KHDRBS3: variants seen among roughly 807,000 people sequenced by gnomAD.
The protein encoded by KHDRBS3 is KH domain-containing, RNA-binding, signal transduction-associated protein 3.
Under a neutral mutation model 45.6 loss-of-function variants are expected in KHDRBS3, and 23 were observed. The observed-to-expected ratio is 0.50, with a 90% CI of 0.36 to 0.72. The LOEUF is 0.72. Among genes scored for constraint, KHDRBS3 ranks in the 30% least tolerant of loss-of-function variants. The pLI is 0.00. For missense variants in KHDRBS3, 352 were observed against 424.8 expected (o/e 0.83, Z 1.51); for synonymous variants, 162 against 156.5 (o/e 1.04, Z -0.26).
At chr8:135,473,327 C>G (rs1586565914) in intron 1 of KHDRBS3, among the ~76,000 whole-genome samples, 1 of 152,154 alleles carries the variant, frequency 6.6e-6, no homozygotes, top group Non-Finnish European at 1.5e-5. Flanking sequence ...TTTGTGGCTT[C>G]CCATCCACAC....
chr8:135,564,882 C>G (rs1827328541), intron 5 of KHDRBS3, among the ~76,000 whole-genome samples: 1 of 152,096 alleles, frequency 6.6e-6, no homozygotes, highest in South Asian at 2.1e-4. Flanking sequence ...CTGCTGGCTG[C>G]TCACTGCTCA....
chr8:135,554,077 A>G (rs569772097), intron 4 of KHDRBS3, among the ~76,000 whole-genome samples: 131 of 152,272 alleles, frequency 8.6e-4, no homozygotes, highest in Non-Finnish European at 1.4e-3. Flanking sequence ...CTACAATCAC[A>G]TAGCTGTTAA....
At chr8:135,479,626 G>A (rs1317126981) in intron 1 of KHDRBS3, among the ~76,000 whole-genome samples, 1 of 152,098 alleles carries the variant, frequency 6.6e-6, no homozygotes, top group African/African-American at 2.4e-5. Context: ...AGAGTGAAAG[G>A]GCAAACAGGC....
chr8:135,492,069 A>G (rs1012927832), intron 1 of KHDRBS3, among the ~76,000 whole-genome samples: 1 of 152,142 alleles, frequency 6.6e-6, no homozygotes, highest in Admixed American at 6.5e-5. Context: ...AGAGAAGTCC[A>G]TATGTATTAC....
At chr8:135,573,408 C>T (rs1827799913) in intron 5 of KHDRBS3, among the ~76,000 whole-genome samples, 1 of 152,224 alleles carries the variant, frequency 6.6e-6, no homozygotes, top group African/African-American at 2.4e-5. Context: ...TTATCTTTCA[C>T]TAAACAGCCA....
intron 6 of KHDRBS3, among the ~76,000 whole-genome samples, chr8:135,606,169 C>T (rs1829453404): frequency 6.6e-6 from 1 of 151,996 alleles, no homozygotes; most frequent in Non-Finnish European, 1.5e-5. Context: ...GGGACTCATG[C>T]TTAACCTCAA....
intron 7 of KHDRBS3, among the ~76,000 whole-genome samples, chr8:135,613,787 A>C (rs547416299): frequency 2.0e-5 from 3 of 151,746 alleles, no homozygotes; most frequent in African/African-American, 7.3e-5. Flanking sequence ...ACCTGAAAAC[A>C]AACTTGAGTA....
At chr8:135,458,032 C>T in intron 1 of KHDRBS3, 78 bp downstream of exon 1, 3 of 1,474,810 alleles carry the variant, frequency 2.0e-6, no homozygotes, top group Admixed American at 2.7e-5. Context: ...GGGGCCCCTC[C>T]GTGCCCTCTG....
chr8:135,522,181 T>C lies in KHDRBS3; in HGVS notation c.207+826T>C, dbSNP rs546254973. ...GTTCTCATTGTTCAGCTCCCACTTATCAGTGAGAACATGCAGTGTTTGCTT... is the reference window on the plus strand; with the variant it reads ...GTTCTCATTGTTCAGCTCCCACTTACCAGTGAGAACATGCAGTGTTTGCTT... On this transcript the variant is annotated intron_variant, in intron 2 of 8. Coordinates refer to ENST00000355849, the MANE Select transcript of KHDRBS3 (RefSeq NM_006558.3). Among the ~76,000 whole-genome samples, 11 of 152,314 alleles carry C rather than the reference T, an allele frequency of 7.2e-5. 1 individual carries two copies. The South Asian group carries it at 1.0e-3, about 14-fold the overall frequency.
At chr8:135,617,030 C>G (rs1418496726) in intron 7 of KHDRBS3, among the ~76,000 whole-genome samples, 4 of 151,966 alleles carry the variant, frequency 2.6e-5, no homozygotes, top group African/African-American at 7.2e-5. Flanking sequence ...AATGTCAGCT[C>G]TACTACTTTC....
At chr8:135,616,904 C>T (rs963440489) in intron 7 of KHDRBS3, among the ~76,000 whole-genome samples, 2 of 151,976 alleles carry the variant, frequency 1.3e-5, no homozygotes, top group East Asian at 1.9e-4. Flanking sequence ...CATATATAGT[C>T]TCTTTTTGAT....
intron 5 of KHDRBS3, among the ~76,000 whole-genome samples, chr8:135,578,643 T>C (rs1476465087): frequency 6.6e-6 from 1 of 152,202 alleles, no homozygotes; most frequent in Non-Finnish European, 1.5e-5. Flanking sequence ...CTTGAAATTA[T>C]ATATTATGAG....
chr8:135,578,107 A>G (rs968208848), intron 5 of KHDRBS3, among the ~76,000 whole-genome samples: 5 of 152,106 alleles, frequency 3.3e-5, no homozygotes, highest in African/African-American at 1.2e-4. Context: ...TTGAGTTATA[A>G]AAGTTTTTTC....
At chr8:135,473,310 G>A (rs893772636) in intron 1 of KHDRBS3, among the ~76,000 whole-genome samples, 2 of 152,044 alleles carry the variant, frequency 1.3e-5, no homozygotes, top group African/African-American at 2.4e-5. Context: ...CCATTTAGAC[G>A]ACGCGCTTTG....
At chr8:135,634,664 T>G (rs1035314114) in intron 7 of KHDRBS3, among the ~76,000 whole-genome samples, 3 of 152,214 alleles carry the variant, frequency 2.0e-5, no homozygotes, top group African/African-American at 7.2e-5. Flanking sequence ...GAGGGTAATC[T>G]CTATATTTGC....
rs59502823 is a variant in KHDRBS3, at chr8:135,515,365, TAAAAAAAAAAAAAAAAAAAAA to T, written c.89-5855_89-5835del. 1.6e-3 allele frequency among the ~76,000 whole-genome samples: 65 copies of T among 39,742 alleles called. 1 individual carries two copies. The highest frequency in any genetic ancestry group is 0.032 in the Middle Eastern group (2 of 62). The allele number at this position is 39,742 out of a possible 152,430, so 26.1% of individuals were successfully genotyped here. Reference sequence around the variant, plus strand: ...TGGGCGACAGAGCGAGACTCCGTCTTAAAAAAAAAAAAAAAAAAAAAAAAAAAAAAAAAAAAAGATTCCCTG... The same window carrying T: ...TGGGCGACAGAGCGAGACTCCGTCTTAAAAAAAAAAAAAAAAGATTCCCTG... On this transcript the variant is annotated intron_variant, in intron 1 of 8. Coordinates refer to ENST00000355849, the MANE Select transcript of KHDRBS3 (RefSeq NM_006558.3).
intron 7 of KHDRBS3, among the ~76,000 whole-genome samples, chr8:135,616,387 G>T (rs1031631611): frequency 1.3e-5 from 2 of 152,312 alleles, no homozygotes; most frequent in African/African-American, 4.8e-5. Flanking sequence ...CTTCATGCAT[G>T]ATCTCCACAA....
At chr8:135,553,425 TA>T (rs59357011) in intron 4 of KHDRBS3, among the ~76,000 whole-genome samples, 11,457 of 152,184 alleles carry the variant, frequency 0.075, 685 homozygotes, top group African/African-American at 0.16. Flanking sequence ...CTTTTGTTTT[TA>T]ACTTACGTGA....
intron 1 of KHDRBS3, among the ~76,000 whole-genome samples, chr8:135,491,880 G>A (rs931892003): frequency 6.6e-6 from 1 of 151,724 alleles, no homozygotes; most frequent in Non-Finnish European, 1.5e-5. Flanking sequence ...TAAGGCAGTG[G>A]CACCAAACAG....
Sources: allele counts gnomAD v4.1 joint callset (sites outside exome capture counted in the v4.1 genomes callset), GRCh38; gene constraint gnomAD v4.1.1; transcripts MANE v1.5; gene names NCBI Gene and HGNC (gene_info 2026-07-23, HGNC 2026-07-21).